The following TNNI3K variants were observed in gnomAD, a reference collection of about 807,000 sequenced individuals.
TNNI3K encodes the protein serine/threonine-protein kinase TNNI3K.
Under a neutral mutation model 114.5 loss-of-function variants are expected in TNNI3K, and 140 were observed. The observed-to-expected ratio is 1.22, with a 90% CI of 1.07 to 1.41. TNNI3K has a LOEUF of 1.41. TNNI3K is among the 40% of genes most tolerant of loss of function. The pLI, the probability that TNNI3K is intolerant of heterozygous loss-of-function variation, is 0.00. For missense variants in TNNI3K, 1,125 were observed against 1,007.6 expected, an observed-to-expected ratio of 1.12 and a Z score of -1.58; for synonymous variants, 347 against 347.5, an observed-to-expected ratio of 1.00 and a Z score of 0.02.
intron 17 of TNNI3K, among the ~76,000 whole-genome samples, chr1:74,435,756 A>G (rs1881029): frequency 0.089 from 13,520 of 152,022 alleles, 871 homozygotes; most frequent in African/African-American, 0.17. Flanking sequence ...TTTCCTTGTA[A>G]CCACAATTGT....
chr1:74,339,457 C>T (rs1040677045), intron 7 of TNNI3K, among the ~76,000 whole-genome samples: 6 of 152,034 alleles, frequency 3.9e-5, no homozygotes, highest in African/African-American at 1.4e-4. Context: ...GTAGCTAAGC[C>T]TCCAAATGAT....
intron 20 of TNNI3K, among the ~76,000 whole-genome samples, chr1:74,446,162 TA>T (rs1666661978): frequency 1.3e-5 from 2 of 152,254 alleles, no homozygotes; most frequent in African/African-American, 2.4e-5. Flanking sequence ...ACCAACAGTG[TA>T]AAAGTGTTCC....
chr1:74,485,924 A>G (rs2100278819), intron 21 of TNNI3K, among the ~76,000 whole-genome samples: 1 of 152,266 alleles, frequency 6.6e-6, no homozygotes, highest in Admixed American at 6.5e-5. Flanking sequence ...GCCTCAGATG[A>G]GAATCACAGT....
At chr1:74,252,367 G>A (rs1239349925) in intron 4 of TNNI3K, among the ~76,000 whole-genome samples, 2 of 151,916 alleles carry the variant, frequency 1.3e-5, no homozygotes, top group African/African-American at 4.8e-5. Flanking sequence ...AACAAAGCAG[G>A]CAAAAATATT....
At chr1:74,327,680 CAT>C (rs1274994272) in intron 5 of TNNI3K, among the ~76,000 whole-genome samples, 1 of 144,856 alleles carries the variant, frequency 6.9e-6, no homozygotes, top group Non-Finnish European at 1.5e-5. Flanking sequence ...TAAATATAAT[CAT>C]ATATTTATAT....
intron 2 of TNNI3K, among the ~76,000 whole-genome samples, chr1:74,239,003 T>C (rs1167159115): frequency 2.0e-5 from 3 of 152,222 alleles, no homozygotes; most frequent in East Asian, 3.9e-4. Flanking sequence ...ATAATAAAAA[T>C]GATACTTCTA....
At chr1:74,383,558 G>C (rs1455190075) in intron 17 of TNNI3K, among the ~76,000 whole-genome samples, 12 of 151,992 alleles carry the variant, frequency 7.9e-5, no homozygotes, top group Admixed American at 1.3e-4. Context: ...TCAGACTCTT[G>C]CTTATTTCAG....
chr1:74,279,211 T>C, intron 5 of TNNI3K, among the ~76,000 whole-genome samples: 1 of 152,200 alleles, frequency 6.6e-6, no homozygotes, highest in Non-Finnish European at 1.5e-5. Context: ...ACCTGGGTAT[T>C]GGACAAGGCC....
intron 11 of TNNI3K, among the ~76,000 whole-genome samples, chr1:74,355,591 A>C (rs1250042460): frequency 6.6e-6 from 1 of 152,012 alleles, no homozygotes; most frequent in Admixed American, 6.6e-5. Flanking sequence ...CAACAGGGCG[A>C]TACTCCGTCT....
intron 23 of TNNI3K, among the ~76,000 whole-genome samples, chr1:74,523,246 C>T (rs1347125391): frequency 6.6e-6 from 1 of 152,144 alleles, no homozygotes; most frequent in Non-Finnish European, 1.5e-5. Context: ...TTTTCTAACA[C>T]CTATGATTTC....
At chr1:74,401,442 A>T (rs1215184929) in intron 17 of TNNI3K, among the ~76,000 whole-genome samples, 1 of 152,256 alleles carries the variant, frequency 6.6e-6, no homozygotes, top group African/African-American at 2.4e-5. Context: ...GTGAGAAGGC[A>T]TGTACCTGTC....
intron 9 of TNNI3K, among the ~76,000 whole-genome samples, chr1:74,348,746 T>C (rs1435789179): frequency 2.6e-5 from 4 of 152,022 alleles, no homozygotes; most frequent in African/African-American, 9.7e-5. Flanking sequence ...AGGTATTTTA[T>C]TCTCTGAAGC....
At chr1:74,487,647 A>G (rs1668833375) in intron 21 of TNNI3K, among the ~76,000 whole-genome samples, 1 of 152,158 alleles carries the variant, frequency 6.6e-6, no homozygotes, top group African/African-American at 2.4e-5. Flanking sequence ...AGGGAAAGTG[A>G]GTGACAGCGA....
chr1:74,535,027 T>C (rs1463042875), intron 23 of TNNI3K, among the ~76,000 whole-genome samples: 1 of 119,102 alleles, frequency 8.4e-6, no homozygotes, highest in Non-Finnish European at 1.7e-5. Flanking sequence ...TGCTGTGGCA[T>C]GTATGTAAAA....
chr1:74,274,982 A>G (rs1164983214), intron 5 of TNNI3K, among the ~76,000 whole-genome samples: 2 of 152,124 alleles, frequency 1.3e-5, no homozygotes, highest in Non-Finnish European at 2.9e-5. Context: ...TTCCACTCAT[A>G]TGTATCACTT....
chr1:74,365,016 G>A (rs925385536), intron 11 of TNNI3K, among the ~76,000 whole-genome samples: 1 of 152,040 alleles, frequency 6.6e-6, no homozygotes. Flanking sequence ...GAATACACTG[G>A]TATTTAGAAG....
At chr1:74,285,617 C>T (rs1465083768) in intron 5 of TNNI3K, among the ~76,000 whole-genome samples, 1 of 152,060 alleles carries the variant, frequency 6.6e-6, no homozygotes, top group Non-Finnish European at 1.5e-5. Flanking sequence ...CTTTTTTGAG[C>T]ACAGGAACTG....
chr1:74,527,035 C>A (rs1291383986), intron 23 of TNNI3K, among the ~76,000 whole-genome samples: 1 of 152,202 alleles, frequency 6.6e-6, no homozygotes, highest in Admixed American at 6.6e-5. Flanking sequence ...GTTTGCTGAT[C>A]CCTGCCTGCT....
At chr1:74,501,259 T>A (rs571571778) in intron 23 of TNNI3K, among the ~76,000 whole-genome samples, 238 of 152,362 alleles carry the variant, frequency 1.6e-3, no homozygotes, top group Non-Finnish European at 2.6e-3. Flanking sequence ...AATGTGTTGT[T>A]TACTTTGTTC....
Sources: gnomAD v4.1 joint callset for allele counts (sites outside exome capture counted in the v4.1 genomes callset) on GRCh38, gnomAD v4.1.1 for gene constraint, MANE v1.5 for transcripts, NCBI Gene and HGNC (gene_info 2026-07-23, HGNC 2026-07-21) for gene names.